ADGRG1: variants seen among roughly 807,000 people sequenced by gnomAD.
ADGRG1 encodes adhesion G protein-coupled receptor G1.
Under a neutral mutation model 73.5 loss-of-function variants are expected in ADGRG1, and 53 were observed. The ratio of observed to expected loss-of-function variants is 0.72; its 90% CI spans 0.58 to 0.91. The LOEUF is 0.91. Ranked by LOEUF, ADGRG1 falls within the 40% of genes least tolerant of loss-of-function variation. The probability of loss-of-function intolerance (pLI) is 0.00; values close to 1 mark genes in which losing one functional copy is unlikely to be tolerated. For missense variants in ADGRG1, 795 were observed against 871.8 expected, an observed-to-expected ratio of 0.91 and a Z score of 1.11; for synonymous variants, 394 against 374.4, an observed-to-expected ratio of 1.05 and a Z score of -0.60.
At chr16:57,640,673 T>G (rs919494058) in intron 1 of ADGRG1, among the ~76,000 whole-genome samples, 2 of 152,182 alleles carry the variant, frequency 1.3e-5, no homozygotes, top group Non-Finnish European at 2.9e-5. Flanking sequence ...ACAGTCAGGC[T>G]CGGGCCCCCA....
intron 13 of ADGRG1, among the ~76,000 whole-genome samples, chr16:57,662,553 G>A (rs755659651): frequency 3.3e-5 from 5 of 152,160 alleles, no homozygotes; most frequent in Non-Finnish European, 2.9e-5. Context: ...AAGGGGTCAC[G>A]TGCACATGAT....
intron 1 of ADGRG1, among the ~76,000 whole-genome samples, chr16:57,640,464 G>A (rs2040517937): frequency 6.6e-6 from 1 of 152,242 alleles, no homozygotes; most frequent in South Asian, 2.1e-4. Flanking sequence ...AAGCTTAAAT[G>A]CGTGAACATG....
At chr16:57,622,466 C>G (rs2035034467) in intron 2 of ADGRG1, among the ~76,000 whole-genome samples, 1 of 152,156 alleles carries the variant, frequency 6.6e-6, no homozygotes, top group South Asian at 2.1e-4. Flanking sequence ...GCTTCTGGCT[C>G]CAATACCCTG....
At chr16:57,646,471 G>A (rs2042668256) in intron 1 of ADGRG1, 2 of 985,278 alleles carry the variant, frequency 2.0e-6, no homozygotes, top group Non-Finnish European at 2.4e-6. Context: ...GGACTGGCCT[G>A]TTCTGTCCTG....
At chr16:57,624,029 G>A, upstream of ADGRG1, 2 of 258,298 alleles carry the variant, frequency 7.7e-6, no homozygotes, top group Non-Finnish European at 1.2e-5. Flanking sequence ...TCTGCAAACT[G>A]CAAATGGTGG....
At position 57,650,392 on chromosome 16, in the gene ADGRG1, G is replaced by A. The variant is rs139359837; in HGVS notation, c.64+41G>A. 9,411 of 1,609,984 alleles carry A rather than the reference G, an allele frequency of 5.8e-3. 31 individuals are homozygous for A. Among genetic ancestry groups the A allele is most frequent in the Non-Finnish European group, 7.3e-3 (8,538 of 1,176,376 alleles). The stretch of plus-strand genomic sequence containing the variant: ...GGTGCCCTGGGCTGTTGGAACTTAC[G>A]TTAAAATGCCCCTGTGCCTAGGGTG... On this transcript the variant is annotated intron_variant, in intron 2 of 13. Coordinates refer to ENST00000562631, the MANE Select transcript of ADGRG1 (RefSeq NM_201525.4).
intron 3 of ADGRG1, chr16:57,651,996 C>G (rs147959952): frequency 1.6e-6 from 2 of 1,219,900 alleles, no homozygotes; most frequent in East Asian, 9.6e-5. Context: ...AGGAAGAATT[C>G]TTCCTCAGCA....
At chr16:57,657,265 A>T in intron 9 of ADGRG1, 108 bp from the exon 10 acceptor site, 1 of 1,544,016 alleles carries the variant, frequency 6.5e-7, no homozygotes, top group Non-Finnish European at 8.9e-7. Flanking sequence ...GGGGGTTCTT[A>T]GGCTTCCGAG....
chr16:57,644,800 A>G (rs2042059361), intron 1 of ADGRG1, among the ~76,000 whole-genome samples: 1 of 145,914 alleles, frequency 6.9e-6, no homozygotes, highest in African/African-American at 2.6e-5. Context: ...GCATGGGCAC[A>G]CACTCATCAC....
chr16:57,658,073 C>T (rs2046193100), intron 10 of ADGRG1, among the ~76,000 whole-genome samples: 1 of 152,180 alleles, frequency 6.6e-6, no homozygotes, highest in Non-Finnish European at 1.5e-5. Context: ...AGAGAGTCCA[C>T]CTAAGAATCT....
chr16:57,652,415 A>G (rs377496818), intron 3 of ADGRG1, among the ~76,000 whole-genome samples: 1 of 152,000 alleles, frequency 6.6e-6, no homozygotes, highest in Non-Finnish European at 1.5e-5. Context: ...CAGGCTAATG[A>G]TTATGTCCAG....
At chr16:57,629,086 ATGTGAG>A (rs1248359835) in intron 1 of ADGRG1, 1 of 702,886 alleles carries the variant, frequency 1.4e-6, no homozygotes, top group African/African-American at 1.9e-5. Flanking sequence ...GTGGGAGTGT[ATGTGAG>A]TGTAAGTGTG....
intron 1 of ADGRG1, chr16:57,644,225 C>T: frequency 5.1e-6 from 5 of 978,910 alleles, no homozygotes; most frequent in East Asian, 1.1e-4. Flanking sequence ...CACACGCACT[C>T]ATGCACACAC....
intron 1 of ADGRG1, chr16:57,642,519 G>A: frequency 1.0e-6 from 1 of 981,720 alleles, no homozygotes; most frequent in Non-Finnish European, 1.2e-6. Context: ...GTGCAAAAAA[G>A]GCTCTACCTT....
At chr16:57,623,389 C>T (rs1168517380), upstream of ADGRG1, among the ~76,000 whole-genome samples, 4 of 152,226 alleles carry the variant, frequency 2.6e-5, no homozygotes, top group Non-Finnish European at 5.9e-5. Context: ...GCCGAGGCTC[C>T]ACTCACCAAG....
chr16:57,635,589 G>T (rs747660016), intron 1 of ADGRG1: 1 of 985,400 alleles, frequency 1.0e-6, no homozygotes, highest in Non-Finnish European at 1.2e-6. Context: ...TAGGAAGGAC[G>T]GTAGTGTTTG....
At chr16:57,641,028 T>A in intron 1 of ADGRG1, 1 of 985,486 alleles carries the variant, frequency 1.0e-6, no homozygotes, top group Non-Finnish European at 1.2e-6. Context: ...GGGGAGACGG[T>A]TCAGCATCCT....
At position 57,650,950 on chromosome 16, in the gene ADGRG1, C is replaced by T. The variant is rs192460051; in HGVS notation, c.65-250C>T. The stretch of plus-strand genomic sequence containing the variant: ...GTCTCGATCTCCTGACCTCGTGATC[C>T]GCCCGCCTCAGCCTCCCAAAGTGCT... On this transcript the variant is annotated intron_variant, in intron 2 of 13. Coordinates refer to ENST00000562631, the MANE Select transcript of ADGRG1 (RefSeq NM_201525.4). The T allele has an allele frequency of 3.0e-3, 1,199 of 395,756 alleles. 15 individuals are homozygous for T. Among genetic ancestry groups the T allele is most frequent in the African/African-American group, 0.025 (1,135 of 45,968 alleles). The allele number at this position is 395,756 out of a possible 1,614,324, so 24.5% of individuals were successfully genotyped here. A position where few individuals can be genotyped will look rare whatever the true frequency, so the allele number is the denominator to read the frequency against.
upstream of ADGRG1, among the ~76,000 whole-genome samples, chr16:57,626,362 T>C (rs1284431724): frequency 1.3e-5 from 2 of 152,186 alleles, no homozygotes; most frequent in Non-Finnish European, 2.9e-5. Context: ...AGTGTTGTGT[T>C]TAACAAGTCA....
Sources: gnomAD v4.1 joint callset for allele counts (sites outside exome capture counted in the v4.1 genomes callset) on GRCh38, gnomAD v4.1.1 for gene constraint, MANE v1.5 for transcripts, NCBI Gene and HGNC (gene_info 2026-07-23, HGNC 2026-07-21) for gene names.